The following REDIC1 variants were observed in gnomAD, a reference collection of about 807,000 sequenced individuals.
REDIC1 encodes regulator of DNA class I crossover intermediates 1.
At chr12:39,689,035 G>A in the REDIC1 span, among the ~76,000 whole-genome samples, 1 of 152,166 alleles carries the variant, frequency 6.6e-6, no homozygotes, top group East Asian at 1.9e-4. Context: ...TCCCAGCCAA[G>A]GAACATGTTT....
At chr12:39,750,256 G>C in the REDIC1 span, among the ~76,000 whole-genome samples, 2 of 152,114 alleles carry the variant, frequency 1.3e-5, no homozygotes, top group African/African-American at 2.4e-5. Flanking sequence ...AAATCACAAG[G>C]ATTCTTATAC....
At chr12:39,713,432 G>C in the REDIC1 span, among the ~76,000 whole-genome samples, 1 of 9,350 alleles carries the variant, frequency 1.1e-4, no homozygotes, top group East Asian at 1.2e-3. Flanking sequence ...ATGTATATAT[G>C]TGTACATATA....
chr12:39,646,527 C>T, the REDIC1 span: 309 of 1,428,900 alleles, frequency 2.2e-4, 1 homozygote, highest in African/African-American at 4.2e-3. Context: ...CTTTTACTCA[C>T]TCGAAAATGT....
At chr12:39,678,239 A>G in the REDIC1 span, among the ~76,000 whole-genome samples, 26 of 152,300 alleles carry the variant, frequency 1.7e-4, no homozygotes, top group African/African-American at 6.0e-4. Context: ...GCTCAATTAG[A>G]AACAAAATGG....
the REDIC1 span, among the ~76,000 whole-genome samples, chr12:39,840,553 G>C: frequency 6.6e-6 from 1 of 151,960 alleles, no homozygotes; most frequent in Non-Finnish European, 1.5e-5. Context: ...TTTAGAATAT[G>C]ACATGCTCTC....
the REDIC1 span, chr12:39,716,651 T>G: frequency 1.3e-6 from 1 of 749,546 alleles, no homozygotes; most frequent in Non-Finnish European, 2.2e-6. Flanking sequence ...GTGTTTTGTG[T>G]TGTTAGCTAA....
the REDIC1 span, among the ~76,000 whole-genome samples, chr12:39,634,126 C>T: frequency 6.6e-6 from 1 of 152,220 alleles, no homozygotes; most frequent in South Asian, 2.1e-4. Flanking sequence ...GTTTGTAGTT[C>T]TCCTTGAAGA....
the REDIC1 span, among the ~76,000 whole-genome samples, chr12:39,740,977 A>ATTT: frequency 2.5e-3 from 375 of 151,956 alleles, 1 homozygote; most frequent in African/African-American, 8.0e-3. Context: ...TATTATTATT[A>ATTT]TTTTTTTGAG....
At chr12:39,739,210 T>C in the REDIC1 span, among the ~76,000 whole-genome samples, 2 of 152,164 alleles carry the variant, frequency 1.3e-5, no homozygotes, top group South Asian at 2.1e-4. Flanking sequence ...ACTACAACTT[T>C]TGCTCTTCCT....
At chr12:39,662,637 C>CAT in the REDIC1 span, among the ~76,000 whole-genome samples, 2 of 151,954 alleles carry the variant, frequency 1.3e-5, no homozygotes, top group African/African-American at 4.8e-5. Flanking sequence ...TCTCTTGCCT[C>CAT]ATTGCTCTGG....
chr12:39,724,420 A>G, the REDIC1 span, among the ~76,000 whole-genome samples: 1 of 152,128 alleles, frequency 6.6e-6, no homozygotes, highest in African/African-American at 2.4e-5. Context: ...TGAGTTCCTC[A>G]GAAGGATTAA....
the REDIC1 span, among the ~76,000 whole-genome samples, chr12:39,836,670 T>C: frequency 1.8e-4 from 24 of 131,814 alleles, no homozygotes; most frequent in Non-Finnish European, 3.7e-4. Context: ...TGTACAAAAA[T>C]CACAAGCATT....
the REDIC1 span, among the ~76,000 whole-genome samples, chr12:39,815,465 C>T: frequency 6.6e-6 from 1 of 152,184 alleles, no homozygotes; most frequent in Non-Finnish European, 1.5e-5. Flanking sequence ...CTGGAGCATT[C>T]TTTCTTTTCA....
the REDIC1 span, among the ~76,000 whole-genome samples, chr12:39,637,396 A>G: frequency 6.6e-6 from 1 of 152,092 alleles, no homozygotes; most frequent in Non-Finnish European, 1.5e-5. Flanking sequence ...TTTAAAAAAG[A>G]TGAACCTCAT....
chr12:39,680,446 A>G, the REDIC1 span, among the ~76,000 whole-genome samples: 1 of 152,212 alleles, frequency 6.6e-6, no homozygotes, highest in Non-Finnish European at 1.5e-5. Context: ...TACTCCTACA[A>G]GAATGGTCAT....
the REDIC1 span, among the ~76,000 whole-genome samples, chr12:39,649,582 T>C: frequency 6.6e-6 from 1 of 151,366 alleles, no homozygotes; most frequent in Non-Finnish European, 1.5e-5. Context: ...GACTCTCCTT[T>C]TTTTTTTTTT....
At chr12:39,644,335 T>C in the REDIC1 span, among the ~76,000 whole-genome samples, 1 of 151,816 alleles carries the variant, frequency 6.6e-6, no homozygotes, top group Non-Finnish European at 1.5e-5. Flanking sequence ...GTTTCCTATG[T>C]CATCACTTGA....
the REDIC1 span, among the ~76,000 whole-genome samples, chr12:39,675,201 C>A: frequency 6.6e-6 from 1 of 152,144 alleles, no homozygotes; most frequent in Non-Finnish European, 1.5e-5. Flanking sequence ...TAGCCATAAT[C>A]CTCTGTGGAA....
the REDIC1 span, among the ~76,000 whole-genome samples, chr12:39,691,714 A>G: frequency 2.0e-5 from 3 of 152,186 alleles, no homozygotes; most frequent in African/African-American, 7.2e-5. Context: ...AACTTAGGAA[A>G]TTAAATAAAG....
Sources: allele counts gnomAD v4.1 joint callset (sites outside exome capture counted in the v4.1 genomes callset), GRCh38; gene constraint gnomAD v4.1.1; transcripts MANE v1.5; gene names NCBI Gene and HGNC (gene_info 2026-07-23, HGNC 2026-07-21).